Variants in CDH6 observed in about 807,000 individuals in gnomAD.
CDH6 encodes cadherin 6, also known as cadherin-6.
Under a neutral mutation model 78.0 loss-of-function variants are expected in CDH6, and 31 were observed. That is an observed-to-expected ratio of 0.40 (90% CI 0.30 to 0.54). The LOEUF (loss-of-function observed/expected upper bound fraction) is 0.54, where lower values mean the gene tolerates loss of function less well. Ranked by LOEUF, CDH6 falls within the 20% of genes least tolerant of loss-of-function variation. CDH6 has a pLI of 0.56. For missense variants in CDH6, 724 were observed against 975.9 expected, an observed-to-expected ratio of 0.74 and a Z score of 3.44; for synonymous variants, 376 against 368.8, an observed-to-expected ratio of 1.02 and a Z score of -0.23.
intron 1 of CDH6, among the ~76,000 whole-genome samples, chr5:31,262,575 G>A (rs773678302): frequency 2.0e-5 from 3 of 152,124 alleles, no homozygotes; most frequent in Non-Finnish European, 2.9e-5. Flanking sequence ...TATTTTTATC[G>A]AGTTGTTCAT....
At chr5:31,284,689 C>T (rs779809343) in intron 2 of CDH6, among the ~76,000 whole-genome samples, 47 of 151,882 alleles carry the variant, frequency 3.1e-4, no homozygotes, top group African/African-American at 8.0e-4. Context: ...CAGTGAGGGA[C>T]GTGAGATGTA....
chr5:31,252,446 C>T (rs911355735), intron 1 of CDH6, among the ~76,000 whole-genome samples: 1 of 151,950 alleles, frequency 6.6e-6, no homozygotes, highest in Non-Finnish European at 1.5e-5. Flanking sequence ...TAAACAATTG[C>T]TAATCAAATA....
intron 1 of CDH6, among the ~76,000 whole-genome samples, chr5:31,221,470 T>C (rs1434263339): frequency 6.6e-6 from 1 of 152,210 alleles, no homozygotes; most frequent in Non-Finnish European, 1.5e-5. Context: ...CTCTAGAATT[T>C]TCAAAAAACT....
At chr5:31,195,676 A>G (rs1399549079) in intron 1 of CDH6, among the ~76,000 whole-genome samples, 1 of 152,224 alleles carries the variant, frequency 6.6e-6, no homozygotes, top group Admixed American at 6.5e-5. Flanking sequence ...CAGAGGCCAG[A>G]TTGTCAATGC....
intron 1 of CDH6, among the ~76,000 whole-genome samples, chr5:31,263,595 C>G (rs1163768501): frequency 6.6e-6 from 1 of 151,844 alleles, no homozygotes; most frequent in East Asian, 1.9e-4. Flanking sequence ...TCTTCCTCTT[C>G]TTATAAAGCC....
intron 1 of CDH6, among the ~76,000 whole-genome samples, chr5:31,248,757 C>T (rs62348939): frequency 6.6e-6 from 1 of 152,016 alleles, no homozygotes; most frequent in Non-Finnish European, 1.5e-5. Context: ...AATTATACCA[C>T]CCCAAAAAAC....
chr5:31,319,809 C>T (rs1416779890), intron 11 of CDH6, among the ~76,000 whole-genome samples: 1 of 152,206 alleles, frequency 6.6e-6, no homozygotes, highest in African/African-American at 2.4e-5. Flanking sequence ...GTAAAAACAA[C>T]TAGACAACTA....
intron 1 of CDH6, among the ~76,000 whole-genome samples, chr5:31,225,245 C>T (rs1482915037): frequency 6.6e-6 from 1 of 152,152 alleles, no homozygotes; most frequent in Non-Finnish European, 1.5e-5. Context: ...ATAAATGACT[C>T]TGGGCTTTGT....
chr5:31,218,628 A>G (rs1434203836), intron 1 of CDH6, among the ~76,000 whole-genome samples: 8 of 152,084 alleles, frequency 5.3e-5, no homozygotes, highest in Non-Finnish European at 4.4e-5. Context: ...TCTTCTGCCC[A>G]AATATGTCCA....
At chr5:31,229,225 C>A (rs900392529) in intron 1 of CDH6, among the ~76,000 whole-genome samples, 21 of 152,302 alleles carry the variant, frequency 1.4e-4, no homozygotes, top group African/African-American at 4.8e-4. Context: ...GAAGAAAGGG[C>A]AAAACAAAGA....
intron 2 of CDH6, among the ~76,000 whole-genome samples, chr5:31,291,194 C>T (rs1164296879): frequency 2.0e-5 from 3 of 151,452 alleles, no homozygotes; most frequent in Non-Finnish European, 2.9e-5. Flanking sequence ...TGCCCCCCGC[C>T]GCCCAGTTAA....
At chr5:31,296,135 A>C (rs991455101) in intron 3 of CDH6, among the ~76,000 whole-genome samples, 5 of 152,336 alleles carry the variant, frequency 3.3e-5, no homozygotes, top group Middle Eastern at 3.4e-3. Context: ...ATAATACAAA[A>C]GCAATGTAGA....
At chr5:31,305,627 C>T (rs1478672275) in intron 7 of CDH6, among the ~76,000 whole-genome samples, 200 bp downstream of exon 7, 1 of 152,124 alleles carries the variant, frequency 6.6e-6, no homozygotes, top group African/African-American at 2.4e-5. Context: ...ACAGTAGTCC[C>T]TTTTTATCCC....
chr5:31,252,753 A>G (rs1455774387), intron 1 of CDH6, among the ~76,000 whole-genome samples: 3 of 151,490 alleles, frequency 2.0e-5, no homozygotes, highest in Admixed American at 1.3e-4. Context: ...ACATAGAAAA[A>G]AGAGCTTTTT....
At chr5:31,197,202 C>T in intron 1 of CDH6, among the ~76,000 whole-genome samples, 1 of 152,280 alleles carries the variant, frequency 6.6e-6, no homozygotes. Context: ...TTTTAGGTAA[C>T]CTACTCCTTA....
chr5:31,313,558 GAT>G, intron 8 of CDH6, 104 bp downstream of exon 8: 2 of 1,085,190 alleles, frequency 1.8e-6, no homozygotes, highest in Non-Finnish European at 2.7e-6. Context: ...AATCCCACTT[GAT>G]ATATATTGAG....
At chr5:31,198,281 T>G (rs917012546) in intron 1 of CDH6, among the ~76,000 whole-genome samples, 4 of 152,190 alleles carry the variant, frequency 2.6e-5, no homozygotes, top group Non-Finnish European at 5.9e-5. Context: ...ATCTTTACAC[T>G]AACACCATTG....
intron 2 of CDH6, among the ~76,000 whole-genome samples, chr5:31,275,572 T>C (rs544040293): frequency 6.6e-6 from 1 of 152,338 alleles, no homozygotes; most frequent in African/African-American, 2.4e-5. Flanking sequence ...CCATGGTGTA[T>C]ACAGACCACA....
intron 1 of CDH6, among the ~76,000 whole-genome samples, chr5:31,199,683 G>GTGTGTGTA (rs1554035023): frequency 1.5e-4 from 9 of 59,664 alleles, no homozygotes; most frequent in African/African-American, 5.1e-4. Context: ...GTGTGTGTGT[G>GTGTGTGTA]TGTATATATA....
Sources: gnomAD v4.1 joint callset for allele counts (sites outside exome capture counted in the v4.1 genomes callset) on GRCh38, gnomAD v4.1.1 for gene constraint, MANE v1.5 for transcripts, NCBI Gene and HGNC (gene_info 2026-07-23, HGNC 2026-07-21) for gene names.